FHL5: variants seen among roughly 807,000 people sequenced by gnomAD.
The protein encoded by FHL5 is four and a half LIM domains 5, also known as four and a half LIM domains protein 5.
A neutral mutation model predicts 32.0 loss-of-function variants in FHL5; 33 were observed. The observed-to-expected ratio is 1.03, with a 90% CI of 0.78 to 1.38. The LOEUF is 1.38. FHL5 is among the 40% of genes most tolerant of loss of function. FHL5 has a pLI of 0.00. For missense variants in FHL5, 336 were observed against 343.9 expected, an observed-to-expected ratio of 0.98 and a Z score of 0.18; for synonymous variants, 114 against 113.6, an observed-to-expected ratio of 1.00 and a Z score of -0.02.
intron 1 of FHL5, among the ~76,000 whole-genome samples, chr6:96,592,917 A>G (rs1562059115): frequency 6.6e-6 from 1 of 152,002 alleles, no homozygotes; most frequent in Non-Finnish European, 1.5e-5. Context: ...TGGTTTTTAA[A>G]ATTTGGGGCA....
chr6:96,611,852 C>G (rs1324107971), intron 5 of FHL5, among the ~76,000 whole-genome samples: 1 of 152,200 alleles, frequency 6.6e-6, no homozygotes, highest in East Asian at 1.9e-4. Context: ...GGAGCACCAT[C>G]TGTGTCAGGA....
chr6:96,586,786 A>C (rs1470297835), intron 1 of FHL5, among the ~76,000 whole-genome samples: 5 of 152,200 alleles, frequency 3.3e-5, no homozygotes, highest in Non-Finnish European at 7.3e-5. Context: ...AGCTTACACA[A>C]TTCTGACTAA....
chr6:96,575,062 C>G (rs211158), intron 1 of FHL5, among the ~76,000 whole-genome samples: 74,592 of 152,096 alleles, frequency 0.49, 21,985 homozygotes, highest in African/African-American at 0.85. Flanking sequence ...GATTTTTTAG[C>G]TGAGCCAAGA....
Position 96,602,426 on chromosome 6 carries a change from C to CTTTTTTTTTTTTTTT in FHL5, c.-12-1152_-12-1138dup, listed in dbSNP as rs1168636713. Among the ~76,000 whole-genome samples, 15 of 33,702 alleles carry CTTTTTTTTTTTTTTT rather than the reference C, an allele frequency of 4.5e-4. 4 individuals are homozygous for CTTTTTTTTTTTTTTT. The highest frequency in any genetic ancestry group is 5.2e-4 in the Non-Finnish European group (8 of 15,324). The allele number at this position is 33,702 out of a possible 152,430, so 22.1% of individuals were successfully genotyped here. A position where few individuals can be genotyped will look rare whatever the true frequency, so the allele number is the denominator to read the frequency against. On this transcript the variant is annotated intron_variant, in intron 1 of 5. Coordinates refer to ENST00000450218, the MANE Select transcript of FHL5 (RefSeq NM_001322466.2). The stretch of plus-strand genomic sequence containing the variant: ...ACCTGGAAATCTATATGCGTTGTTT[C>CTTTTTTTTTTTTTTT]TTTTTTTTTTTTTTTTTTTTTTTTT...
intron 3 of FHL5, among the ~76,000 whole-genome samples, chr6:96,605,247 G>T (rs1771249353): frequency 6.6e-6 from 1 of 152,114 alleles, no homozygotes; most frequent in Non-Finnish European, 1.5e-5. Context: ...ACAATCAATG[G>T]CATCAGAAAG....
rs143412369 is a variant in FHL5 at position 96,588,119 on chromosome 6, T to C, written c.-12-15483T>C. On this transcript the variant is annotated intron_variant, in intron 1 of 5. Transcript: ENST00000450218. ...AGTCACATGAAAGGTATATGTTCAA[T>C]TTTACAATGTAATGAAAAATTGTTT... Among the ~76,000 whole-genome samples, 411 of 152,072 alleles carry C rather than the reference T, an allele frequency of 2.7e-3. 2 individuals carry two copies. The highest frequency in any genetic ancestry group is 0.02 in the Middle Eastern group (6 of 294).
chr6:96,573,133 C>T (rs772379505), intron 1 of FHL5, among the ~76,000 whole-genome samples: 20 of 152,140 alleles, frequency 1.3e-4, no homozygotes, highest in Non-Finnish European at 2.9e-4. Flanking sequence ...TATTTTCATT[C>T]ATTTATTGAT....
At chr6:96,569,114 A>G (rs1770422402) in intron 1 of FHL5, among the ~76,000 whole-genome samples, 1 of 151,862 alleles carries the variant, frequency 6.6e-6, no homozygotes, top group African/African-American at 2.4e-5. Flanking sequence ...TGCTTTTGCT[A>G]TACCCCAGAT....
chr6:96,591,199 T>G (rs1253521768), intron 1 of FHL5, among the ~76,000 whole-genome samples: 1 of 152,168 alleles, frequency 6.6e-6, no homozygotes, highest in Non-Finnish European at 1.5e-5. Flanking sequence ...AAAGCCACTT[T>G]GGCTTTATTT....
chr6:96,588,299 C>A (rs538633581), intron 1 of FHL5, among the ~76,000 whole-genome samples: 1 of 152,208 alleles, frequency 6.6e-6, no homozygotes, highest in Admixed American at 6.5e-5. Flanking sequence ...CAACCTCCAC[C>A]TCCCAGGTTC....
At chr6:96,574,987 G>A (rs1001592877) in intron 1 of FHL5, among the ~76,000 whole-genome samples, 9 of 152,068 alleles carry the variant, frequency 5.9e-5, no homozygotes, top group Non-Finnish European at 1.2e-4. Flanking sequence ...TTAAATTTTC[G>A]AAAACACTTA....
chr6:96,606,095 C>G (rs200808875), intron 4 of FHL5, 24 bp downstream of exon 4: 1 of 1,592,484 alleles, frequency 6.3e-7, no homozygotes. Context: ...GAGGGTGAAG[C>G]TTGTGGAAAC....
At chr6:96,604,619 G>A (rs1771230353) in intron 2 of FHL5, 131 bp from the exon 3 acceptor site, 2 of 572,000 alleles carry the variant, frequency 3.5e-6, no homozygotes, top group Non-Finnish European at 5.7e-6. Context: ...AACAGTTTCA[G>A]TAACAACTTT....
chr6:96,610,773 T>A lies in FHL5; in HGVS notation c.691+15T>A. 6.4e-7 allele frequency: 1 copy of A among 1,566,188 alleles called. No homozygotes were observed. The highest frequency in any genetic ancestry group is 8.8e-7 in the Non-Finnish European group (1 of 1,140,900). ...ACCCATTAGTGGTGAGTTCTTCAGTTCAATATGATCATGCCATGAGACAGT... is the reference window on the plus strand; with the variant it reads ...ACCCATTAGTGGTGAGTTCTTCAGTACAATATGATCATGCCATGAGACAGT... On this transcript the variant is annotated intron_variant, in intron 5 of 5. Transcript: ENST00000450218.
intron 5 of FHL5, among the ~76,000 whole-genome samples, chr6:96,611,109 G>A (rs1460354552): frequency 3.3e-5 from 5 of 152,100 alleles, no homozygotes; most frequent in Non-Finnish European, 1.5e-5. Flanking sequence ...TGAGTGGGAG[G>A]AGAAGAGTAC....
intron 1 of FHL5, among the ~76,000 whole-genome samples, chr6:96,579,712 G>T (rs1195420362): frequency 2.0e-5 from 3 of 152,132 alleles, no homozygotes. Flanking sequence ...ATTGTCAACT[G>T]GTAGTTAAGA....
At chr6:96,580,553 T>A (rs769618627) in intron 1 of FHL5, among the ~76,000 whole-genome samples, 45 of 152,302 alleles carry the variant, frequency 3.0e-4, no homozygotes, top group Non-Finnish European at 5.4e-4. Flanking sequence ...GAACAGAACA[T>A]GTTGACAGGC....
Position 96,605,960 on chromosome 6 carries a change from G to T in FHL5, c.393G>T (p.Glu131Asp). 6.2e-7 allele frequency: 1 copy of T among 1,614,110 alleles called. No homozygotes were observed. The highest frequency in any genetic ancestry group is 1.6e-4 in the Middle Eastern group (1 of 6,062). ...GGCATGAAACCTGTTTTGTGTGTGAGAATTGCCGACAACCTATAGGGACAA... is the reference window on the plus strand; with the variant it reads ...GGCATGAAACCTGTTTTGTGTGTGATAATTGCCGACAACCTATAGGGACAA... ...NYWHETCFVC[E>D]NCRQPIGTKP... Residue 131 changes from glutamate (E) to aspartate (D), a missense_variant, in exon 4 of 6, where the codon GAG becomes GAT. By Grantham distance (45) the Glu-to-Asp change is conservative. Coordinates refer to ENST00000450218, the MANE Select transcript of FHL5 (RefSeq NM_001322466.2).
At chr6:96,597,675 G>A (rs1017711845) in intron 1 of FHL5, among the ~76,000 whole-genome samples, 1 of 152,060 alleles carries the variant, frequency 6.6e-6, no homozygotes, top group Non-Finnish European at 1.5e-5. Context: ...TGCTCTGCAA[G>A]CCATTTAGAA....
Sources: allele counts gnomAD v4.1 joint callset (sites outside exome capture counted in the v4.1 genomes callset), GRCh38; gene constraint gnomAD v4.1.1; transcripts MANE v1.5; gene names NCBI Gene and HGNC (gene_info 2026-07-23, HGNC 2026-07-21).